SYT17: variants seen among roughly 807,000 people sequenced by gnomAD.
SYT17 encodes synaptotagmin-17.
Under a neutral mutation model 46.7 loss-of-function variants are expected in SYT17, and 22 were observed. The ratio of observed to expected loss-of-function variants is 0.47; its 90% confidence interval spans 0.34 to 0.67. SYT17 has a LOEUF of 0.67. SYT17 is among the 30% of genes least tolerant of loss of function. The pLI is 0.01. For missense variants in SYT17, 519 were observed against 612.8 expected (o/e 0.85, Z 1.62); for synonymous variants, 251 against 248.4 (o/e 1.01, Z -0.10).
intron 1 of SYT17, 103 bp from the exon 2 acceptor site, chr16:19,172,657 T>C (rs1318350154): frequency 6.4e-7 from 1 of 1,561,818 alleles, no homozygotes; most frequent in Non-Finnish European, 8.6e-7. Context: ...TTTGTAAAAT[T>C]TTTTTGAGTT....
chr16:19,183,483 G>A lies in SYT17; in HGVS notation c.332-45G>A. On this transcript the variant is annotated intron_variant, in intron 4 of 7. Coordinates refer to ENST00000355377, the MANE Select transcript of SYT17 (RefSeq NM_016524.4). This position sits in a 1 kb window ranked among gnomAD's most constrained non-coding sequence, Gnocchi z 5.6. ...CTTACCTGCAAAGTGGCCCAGGTCT[G>A]CCCCGTATGTGGCTGTCTTCATTGT... is the stretch of plus-strand genomic sequence containing the variant. 1.2e-6 allele frequency: 2 copies of A among 1,607,018 alleles called. No homozygotes were observed. Among genetic ancestry groups the A allele is most frequent in the South Asian group, 1.1e-5 (1 of 90,534 alleles).
intron 6 of SYT17, 42 bp downstream of exon 6, chr16:19,223,207 C>T (rs1447073711): frequency 1.9e-6 from 3 of 1,602,948 alleles, no homozygotes; most frequent in Non-Finnish European, 1.7e-6. Flanking sequence ...ATTAATGGGG[C>T]ATCTGTGTTT....
intron 5 of SYT17, among the ~76,000 whole-genome samples, chr16:19,197,374 T>G (rs1965289123): frequency 6.6e-6 from 1 of 152,212 alleles, no homozygotes; most frequent in African/African-American, 2.4e-5. Context: ...TTTTGATTTG[T>G]TTTTTTAGAG....
chr16:19,231,369 G>A (rs1258880222), intron 7 of SYT17, among the ~76,000 whole-genome samples: 12 of 151,800 alleles, frequency 7.9e-5, no homozygotes, highest in Admixed American at 5.3e-4. Flanking sequence ...TCAGGAGTTC[G>A]GGACTAGCCT....
intron 5 of SYT17, among the ~76,000 whole-genome samples, chr16:19,188,856 T>G (rs1964895046): frequency 1.3e-5 from 2 of 152,182 alleles, no homozygotes; most frequent in Admixed American, 1.3e-4. Context: ...TAACGTCACA[T>G]GGACATTTTT....
At chr16:19,211,688 T>C (rs1457878077) in intron 5 of SYT17, among the ~76,000 whole-genome samples, 1 of 151,744 alleles carries the variant, frequency 6.6e-6, no homozygotes, top group East Asian at 1.9e-4. Context: ...TGGCGGGATC[T>C]CAGCTCACTG....
chr16:19,179,456 T>C (rs934322452), intron 3 of SYT17, among the ~76,000 whole-genome samples: 2 of 151,966 alleles, frequency 1.3e-5, no homozygotes, highest in African/African-American at 2.4e-5. Flanking sequence ...TCAGTAGAGA[T>C]GGGTCCTGCT....
chr16:19,180,313 G>A lies in SYT17; in HGVS notation c.183-78G>A, dbSNP rs1408215183. On this transcript the variant is annotated intron_variant, in intron 3 of 7. Transcript: ENST00000355377. ...GAGTCTGAGAGCGGTTTCATCGTGG[G>A]TCTTAACCCCCAAGGGACAGAGATG... is the stretch of plus-strand genomic sequence containing the variant. 5.8e-6 allele frequency: 9 copies of A among 1,545,250 alleles called. No individual in the cohort carries two copies. In the Admixed American group the frequency reaches 1.2e-4, roughly 21 times the overall value.
At chr16:19,224,225 C>A (rs938131313) in intron 6 of SYT17, among the ~76,000 whole-genome samples, 3 of 152,132 alleles carry the variant, frequency 2.0e-5, no homozygotes, top group Admixed American at 1.3e-4. Flanking sequence ...CTGTGTCCAC[C>A]AGCAAGATCT....
intron 5 of SYT17, among the ~76,000 whole-genome samples, chr16:19,205,396 T>C (rs229008): frequency 0.62 from 94,275 of 151,466 alleles, 30,186 homozygotes; most frequent in African/African-American, 0.73. Context: ...TGGCTCCCTC[T>C]TTTCTTCACT....
chr16:19,261,671 C>G (rs892141069), intron 7 of SYT17, among the ~76,000 whole-genome samples: 1 of 152,316 alleles, frequency 6.6e-6, no homozygotes, highest in African/African-American at 2.4e-5. Flanking sequence ...GAGAGCCACT[C>G]TGAACAGTGG....
chr16:19,212,141 G>A (rs181183850), intron 5 of SYT17, among the ~76,000 whole-genome samples: 37 of 152,252 alleles, frequency 2.4e-4, no homozygotes, highest in Admixed American at 2.3e-3. Context: ...CTGGGGAGAG[G>A]GGTGATGCCG....
At chr16:19,189,592 C>A (rs1964933250) in intron 5 of SYT17, among the ~76,000 whole-genome samples, 1 of 152,182 alleles carries the variant, frequency 6.6e-6, no homozygotes, top group East Asian at 1.9e-4. Flanking sequence ...TCAAGCGATC[C>A]TCCTGCCTTG....
At chr16:19,198,247 C>T (rs1965329005) in intron 5 of SYT17, among the ~76,000 whole-genome samples, 1 of 152,110 alleles carries the variant, frequency 6.6e-6, no homozygotes, top group African/African-American at 2.4e-5. Flanking sequence ...TTTACCACCA[C>T]AACACTGATC....
At chr16:19,240,893 C>A (rs1183269724) in intron 7 of SYT17, among the ~76,000 whole-genome samples, 2 of 151,810 alleles carry the variant, frequency 1.3e-5, no homozygotes, top group East Asian at 3.9e-4. Flanking sequence ...AGCACTACCC[C>A]AAGCATGTGC....
intron 7 of SYT17, among the ~76,000 whole-genome samples, chr16:19,266,256 G>A (rs188496204): frequency 8.4e-4 from 128 of 152,352 alleles, no homozygotes; most frequent in South Asian, 6.8e-3. Context: ...AGTGGTTCCC[G>A]TTTGGGATGC....
chr16:19,202,249 T>TGGG (rs1379193216), intron 5 of SYT17, among the ~76,000 whole-genome samples: 1 of 152,150 alleles, frequency 6.6e-6, no homozygotes, highest in East Asian at 1.9e-4. Context: ...GCTAATAAAT[T>TGGG]GGGAGTTCCC....
chr16:19,194,145 G>A lies in SYT17; in HGVS notation c.951+9998G>A, dbSNP rs995183107. Among the ~76,000 whole-genome samples, 6 of 152,282 alleles carry A rather than the reference G, an allele frequency of 3.9e-5. No homozygotes were observed. The East Asian group carries it at 5.8e-4, about 15-fold the overall frequency. On this transcript the variant is annotated intron_variant, in intron 5 of 7. Transcript: ENST00000355377. ...AGATGAATAAGAACATTGGCTAAGC[G>A]GAAACCTGTAAAGAAAAAGATGCCA...
chr16:19,180,809 T>G (rs1250521740), intron 4 of SYT17, among the ~76,000 whole-genome samples: 1 of 152,244 alleles, frequency 6.6e-6, no homozygotes, highest in Non-Finnish European at 1.5e-5. Context: ...TTGATTAACA[T>G]TGTCAGTGTA....
Sources: gnomAD v4.1 joint callset for allele counts (sites outside exome capture counted in the v4.1 genomes callset) on GRCh38, gnomAD v4.1.1 for gene constraint, Gnocchi (gnomAD v3.1) non-coding constraint, MANE v1.5 for transcripts, NCBI Gene and HGNC (gene_info 2026-07-23, HGNC 2026-07-21) for gene names.